The following NUP98 variants were observed in gnomAD, a reference collection of about 807,000 sequenced individuals.
NUP98 encodes nucleoporin 98 and 96 precursor, also known as nuclear pore complex protein Nup98-Nup96.
NUP98 carries 26 observed loss-of-function variants against 191.9 expected under a neutral mutation model. The ratio of observed to expected loss-of-function variants is 0.14; its 90% CI spans 0.10 to 0.19. The LOEUF (loss-of-function observed/expected upper bound fraction) is 0.19. Ranked by LOEUF, NUP98 falls within the 10% of genes least tolerant of loss-of-function variation. The pLI is 1.00. For missense variants in NUP98, 1,941 were observed against 2,178.8 expected (o/e 0.89, Z 2.17); for synonymous variants, 808 against 778.4 (o/e 1.04, Z -0.63).
intron 26 of NUP98, among the ~76,000 whole-genome samples, chr11:3,694,736 T>C (rs2078446352): frequency 6.8e-6 from 1 of 148,078 alleles, no homozygotes. Flanking sequence ...CGAGACTCTG[T>C]CTCAAGAGAA....
intron 20 of NUP98, among the ~76,000 whole-genome samples, chr11:3,707,173 G>A (rs111673616): frequency 2.3e-4 from 35 of 152,250 alleles, no homozygotes; most frequent in African/African-American, 7.9e-4. Flanking sequence ...GCAGTACCAC[G>A]TAAGATACGA....
At chr11:3,718,418 C>A (rs2079263581) in intron 18 of NUP98, among the ~76,000 whole-genome samples, 1 of 152,030 alleles carries the variant, frequency 6.6e-6, no homozygotes, top group East Asian at 1.9e-4. Flanking sequence ...CACCTATAAT[C>A]CCAGCTACTC....
At chr11:3,784,807 A>G (rs546926377) in intron 1 of NUP98, among the ~76,000 whole-genome samples, 2 of 152,200 alleles carry the variant, frequency 1.3e-5, no homozygotes, top group East Asian at 3.9e-4. Flanking sequence ...GCTGGGGTAC[A>G]GACATTTGCA....
intron 11 of NUP98, among the ~76,000 whole-genome samples, chr11:3,752,143 CAA>C (rs112322581): frequency 5.8e-5 from 7 of 121,488 alleles, no homozygotes; most frequent in Admixed American, 8.7e-5. Context: ...GACTCCATCT[CAA>C]AAAAAAAAAA....
At chr11:3,721,423 C>A (rs944428411) in intron 16 of NUP98, among the ~76,000 whole-genome samples, 1 of 152,140 alleles carries the variant, frequency 6.6e-6, no homozygotes, top group African/African-American at 2.4e-5. Flanking sequence ...TCCAGCCAGG[C>A]AAGGTGGCTC....
intron 28 of NUP98, among the ~76,000 whole-genome samples, chr11:3,690,656 T>G (rs1164533152): frequency 1.3e-5 from 2 of 152,144 alleles, no homozygotes; most frequent in African/African-American, 2.4e-5. Flanking sequence ...TTTAAACAAC[T>G]AATAATACCA....
chr11:3,785,429 T>C (rs1352091966), intron 1 of NUP98, among the ~76,000 whole-genome samples: 1 of 152,140 alleles, frequency 6.6e-6, no homozygotes, highest in African/African-American at 2.4e-5. Context: ...ACTGACATAA[T>C]CAGAGAAAGA....
intron 24 of NUP98, among the ~76,000 whole-genome samples, chr11:3,700,224 C>T (rs369456827): frequency 5.6e-5 from 8 of 143,672 alleles, no homozygotes; most frequent in African/African-American, 1.8e-4. Context: ...TGTGGTGGCG[C>T]GCGCCTATAC....
intron 14 of NUP98, among the ~76,000 whole-genome samples, chr11:3,726,187 A>G (rs2079610460): frequency 6.6e-6 from 1 of 152,174 alleles, no homozygotes; most frequent in Non-Finnish European, 1.5e-5. Flanking sequence ...TTTACTTTTC[A>G]TCTAGAAGTT....
intron 15 of NUP98, 80 bp downstream of exon 15, chr11:3,725,023 T>C (rs1366939903): frequency 3.6e-5 from 24 of 662,468 alleles, no homozygotes; most frequent in Non-Finnish European, 5.8e-5. Context: ...CTTCATAAAT[T>C]TTCATAAATT....
intron 15 of NUP98, among the ~76,000 whole-genome samples, chr11:3,724,724 C>T (rs916972591): frequency 1.9e-4 from 27 of 140,166 alleles, no homozygotes; most frequent in African/African-American, 3.3e-4. Context: ...GCATGGGAGG[C>T]GATCTTGGCT....
chr11:3,699,041 A>G, intron 25 of NUP98, 41 bp downstream of exon 25: 1 of 1,602,446 alleles, frequency 6.2e-7, no homozygotes, highest in South Asian at 1.1e-5. Flanking sequence ...GTGAGTAGGA[A>G]GGCGACAGAG....
intron 30 of NUP98, among the ~76,000 whole-genome samples, chr11:3,680,426 A>G (rs887385191): frequency 1.9e-4 from 29 of 152,268 alleles, no homozygotes; most frequent in Admixed American, 1.6e-3. Context: ...ATCTGCAAGT[A>G]CTTCCCCCAC....
intron 23 of NUP98, 150 bp downstream of exon 23, chr11:3,702,313 A>C (rs868640062): frequency 2.3e-5 from 8 of 349,238 alleles, no homozygotes; most frequent in Non-Finnish European, 3.0e-5. Context: ...ACACACACAC[A>C]CTCTCTCTCT....
rs1219996389 is a variant in NUP98 at position 3,744,624 on chromosome 11, C to G, written c.1293G>C (p.Leu431Phe). 1.3e-5 allele frequency: 21 copies of G among 1,612,990 alleles called. No homozygotes were observed. Among genetic ancestry groups the G allele is most frequent in the Non-Finnish European group, 1.7e-5 (20 of 1,179,362 alleles). ...GTALGAGQAS[L>F]FGNNQPKIGG... ...CAATCTTAGGTTGGTTGTTCCCAAA[C>G]AAAGATGCCTGTCCAGCACCAAGAG... The change falls in exon 12 of 33, where the codon TTG (leucine) becomes TTC (phenylalanine). Residue 431 changes from leucine (L) to phenylalanine (F), a missense_variant. Around this residue, in one of 6 missense-constraint regions of NUP98, gnomAD observed 453 missense variants for 438.2 expected, o/e 1.03. Transcript: ENST00000324932.
chr11:3,688,420 A>G (rs2078194451), intron 28 of NUP98, among the ~76,000 whole-genome samples: 3 of 151,734 alleles, frequency 2.0e-5, no homozygotes, highest in Admixed American at 2.0e-4. Context: ...AATAATAATA[A>G]TAATAAAATA....
intron 26 of NUP98, among the ~76,000 whole-genome samples, chr11:3,694,731 C>T (rs1319125391): frequency 1.3e-5 from 2 of 149,868 alleles, no homozygotes; most frequent in Non-Finnish European, 3.0e-5. Flanking sequence ...CAGAGCGAGA[C>T]TCTGTCTCAA....
chr11:3,787,312 G>A (rs1454709900), intron 1 of NUP98, among the ~76,000 whole-genome samples: 1 of 152,156 alleles, frequency 6.6e-6, no homozygotes, highest in Non-Finnish European at 1.5e-5. Flanking sequence ...CGGGCACGGT[G>A]GCTCAAGGTC....
At chr11:3,736,095 TGTG>T (rs2080046516) in intron 12 of NUP98, among the ~76,000 whole-genome samples, 1 of 146,102 alleles carries the variant, frequency 6.8e-6, no homozygotes, top group Non-Finnish European at 1.5e-5. Flanking sequence ...TGTGTGTGTG[TGTG>T]TTTTGTTTTT....
Sources: allele counts gnomAD v4.1 joint callset (sites outside exome capture counted in the v4.1 genomes callset), GRCh38; gene constraint gnomAD v4.1.1; regional missense constraint gnomAD v4.1.1; transcripts MANE v1.5; gene names NCBI Gene and HGNC (gene_info 2026-07-23, HGNC 2026-07-21).